Variants in CEP104 observed in about 807,000 individuals in gnomAD.
The protein encoded by CEP104 is centrosomal protein of 104 kDa.
A neutral mutation model predicts 113.3 loss-of-function variants in CEP104; 84 were observed. The observed-to-expected ratio is 0.74, with a 90% CI of 0.62 to 0.89. The LOEUF is 0.89. CEP104 is among the 40% of genes least tolerant of loss of function. The probability of loss-of-function intolerance (pLI) is 0.00; values close to 1 mark genes in which losing one functional copy is unlikely to be tolerated. For synonymous variants in CEP104, 378 were observed against 421.7 expected (o/e 0.90, Z 1.27); for missense variants, 1,053 against 1,156.6 (o/e 0.91, Z 1.30).
At chr1:3,827,371 T>C (rs555511683) in intron 15 of CEP104, among the ~76,000 whole-genome samples, 92 of 152,148 alleles carry the variant, frequency 6.0e-4, no homozygotes, top group African/African-American at 2.0e-3. Flanking sequence ...CTCACCACCA[T>C]GTCTGGCTAA....
rs61745578 is a variant in CEP104 at position 3,844,921 on chromosome 1, T to A, written c.552A>T (p.Glu184Asp). Residue 184 changes from glutamate (E) to aspartate (D), a missense_variant, in exon 6 of 22, where the codon GAA (glutamate) becomes GAT (aspartate). Coordinates refer to ENST00000378230, the MANE Select transcript of CEP104 (RefSeq NM_014704.4). ...LGHNSEDPAL[E>D]GTYARKSDYI... is the part of the protein sequence containing the mutation. ...AGGACTCTTACCTGGCGTACGTTCC[T>A]TCTAGAGCAGGGTCCTCGCTGTTGT... 1.1e-3 allele frequency: 1,792 copies of A among 1,614,026 alleles called. 16 individuals carry two copies. In the African/African-American group the frequency reaches 0.021, roughly 19 times the overall value.
rs554636362 is a variant in CEP104 at position 3,825,887 on chromosome 1, G to A, written c.2256-21C>T. The A allele has an allele frequency of 3.5e-5, 54 of 1,541,410 alleles. No individual in the cohort carries two copies. In the South Asian group the frequency reaches 5.8e-4, roughly 17 times the overall value. ...ACAAACTGAAAGCAAAGCAAAGCAG[G>A]AAATAAAGGTAAGGATCTAGTTCCA... On this transcript the variant is annotated intron_variant, in intron 17 of 21. Coordinates refer to ENST00000378230, the MANE Select transcript of CEP104 (RefSeq NM_014704.4).
chr1:3,854,827 G>A (rs994900659), intron 1 of CEP104, among the ~76,000 whole-genome samples: 1 of 148,260 alleles, frequency 6.7e-6, no homozygotes, highest in Non-Finnish European at 1.5e-5. Context: ...ATTCCACCTT[G>A]AAAATACCTC....
At position 3,816,407 on chromosome 1, in the gene CEP104, G is replaced by A; in HGVS notation, c.2572-37C>T. On this transcript the variant is annotated intron_variant, in intron 20 of 21. Coordinates refer to ENST00000378230, the MANE Select transcript of CEP104 (RefSeq NM_014704.4). ...GAGGCACACAGAGTGTTAATCAGGCGAGACGGACCTGGCACGCTACCTGAG... is the reference window on the plus strand; with the variant it reads ...GAGGCACACAGAGTGTTAATCAGGCAAGACGGACCTGGCACGCTACCTGAG... 11 of 1,497,036 alleles carry A rather than the reference G, an allele frequency of 7.3e-6. No homozygotes were observed. The South Asian group carries it at 8.6e-5, about 12-fold the overall frequency. The allele number at this position is 1,497,036 out of a possible 1,614,324, so 92.7% of individuals were successfully genotyped here. A position where few individuals can be genotyped will look rare whatever the true frequency, so the allele number is the denominator to read the frequency against.
chr1:3,824,410 A>G (rs2124644274), intron 18 of CEP104, among the ~76,000 whole-genome samples: 1 of 152,312 alleles, frequency 6.6e-6, no homozygotes, highest in African/African-American at 2.4e-5. Flanking sequence ...GTAATGCAAG[A>G]AAGGCCTAAT....
In CEP104 at chr1:3,823,119, G is replaced by A; in HGVS notation, c.2571+55C>T. 6.6e-7 allele frequency: 1 copy of A among 1,524,336 alleles called. No homozygotes were observed. 94.4% of individuals were successfully genotyped at this position (1,524,336 alleles called of 1,614,324 possible). Reference sequence around the variant, plus strand: ...TGACACCACCACTGTCACCACCACTGCCATCCACAGGTGTGTCACCTACTT... The same window carrying A: ...TGACACCACCACTGTCACCACCACTACCATCCACAGGTGTGTCACCTACTT... On this transcript the variant is annotated intron_variant, in intron 20 of 21. Coordinates refer to ENST00000378230, the MANE Select transcript of CEP104 (RefSeq NM_014704.4). The surrounding 1 kb of genome is among the most constrained non-coding windows in gnomAD (Gnocchi z 4.1).
At chr1:3,847,792 G>A (rs2124691488) in intron 3 of CEP104, 179 bp from the exon 4 acceptor site, 1 of 610,548 alleles carries the variant, frequency 1.6e-6, no homozygotes, top group East Asian at 3.0e-5. Flanking sequence ...AAAAACCTAG[G>A]AAAAACCCCT....
At chr1:3,835,202 G>A (rs1644287889) in intron 10 of CEP104, 110 bp from the exon 11 acceptor site, 7 of 725,620 alleles carry the variant, frequency 9.6e-6, no homozygotes, top group Non-Finnish European at 1.4e-5. Flanking sequence ...TCTAAGAACA[G>A]AACTTTTATA....
At chr1:3,840,004 C>A (rs530230016) in intron 6 of CEP104, among the ~76,000 whole-genome samples, 3 of 152,186 alleles carry the variant, frequency 2.0e-5, no homozygotes, top group Non-Finnish European at 2.9e-5. Context: ...GACCATGGAC[C>A]AAACTGCACT....
intron 11 of CEP104, among the ~76,000 whole-genome samples, 185 bp downstream of exon 11, chr1:3,834,740 T>G (rs888676078): frequency 2.6e-5 from 4 of 152,220 alleles, no homozygotes; most frequent in African/African-American, 9.6e-5. Context: ...AGACCCTTCA[T>G]GTAAGATCAG....
In CEP104 at chr1:3,836,707, GGA is replaced by G. The variant is rs746658115; in HGVS notation, c.1120-17_1120-16del. The G allele has an allele frequency of 3.7e-6, 6 of 1,612,324 alleles. No homozygotes were observed. Among genetic ancestry groups the G allele is most frequent in the Non-Finnish European group, 1.7e-6 (2 of 1,179,760 alleles). Reference sequence around the variant, plus strand: ...AGGGACTCTGCCTGCAGTGAGTGAAGGAGAGAGGAAAGTGCTGGGGAGCTCCA... The same window carrying G: ...AGGGACTCTGCCTGCAGTGAGTGAAGGAGAGGAAAGTGCTGGGGAGCTCCA... On this transcript the variant is annotated splice_polypyrimidine_tract_variant and intron_variant, in intron 9 of 21. Coordinates refer to ENST00000378230, the MANE Select transcript of CEP104 (RefSeq NM_014704.4).
chr1:3,824,112 G>A (rs2124643656), intron 18 of CEP104, among the ~76,000 whole-genome samples: 1 of 152,296 alleles, frequency 6.6e-6, no homozygotes, highest in Non-Finnish European at 1.5e-5. Context: ...TTGAGATGGA[G>A]TTTCGCTCCT....
At chr1:3,833,097 C>A (rs923600581) in intron 12 of CEP104, among the ~76,000 whole-genome samples, 29 of 151,608 alleles carry the variant, frequency 1.9e-4, no homozygotes, top group African/African-American at 7.0e-4. Context: ...TCTCCTGCCT[C>A]AGCCTCCCAA....
chr1:3,856,215 C>G (rs1344233893), intron 1 of CEP104, among the ~76,000 whole-genome samples: 2 of 152,172 alleles, frequency 1.3e-5, no homozygotes, highest in South Asian at 2.1e-4. Flanking sequence ...TCGAGACCAG[C>G]CTGGCCAACA....
At chr1:3,826,318 G>A (rs1644089906) in intron 17 of CEP104, 52 bp downstream of exon 17, 1 of 1,507,968 alleles carries the variant, frequency 6.6e-7, no homozygotes, top group African/African-American at 1.4e-5. Context: ...GGGTTTCTGT[G>A]TGGCTGGTTG....
At position 3,833,603 on chromosome 1, in the gene CEP104, G is replaced by A. The variant is rs2368533; in HGVS notation, c.1659+259C>T. 312,826 of 346,822 alleles carry A rather than the reference G, an allele frequency of 0.9. 143,257 individuals carry two copies. Among genetic ancestry groups the A allele is most frequent in the Non-Finnish European group, 0.95 (183,467 of 192,980 alleles). 21.5% of individuals were successfully genotyped at this position (346,822 alleles called of 1,614,324 possible). A position where few individuals can be genotyped will look rare whatever the true frequency, so the allele number is the denominator to read the frequency against. Reference sequence around the variant, plus strand: ...TTTCTCTTTTGATATCATTTTCTGTGTGTTTTTATTTATTTAAAAAATTAA... The same window carrying A: ...TTTCTCTTTTGATATCATTTTCTGTATGTTTTTATTTATTTAAAAAATTAA... On this transcript the variant is annotated intron_variant, in intron 12 of 21. Coordinates refer to ENST00000378230, the MANE Select transcript of CEP104 (RefSeq NM_014704.4).
chr1:3,817,415 A>T (rs972349825), intron 20 of CEP104, among the ~76,000 whole-genome samples: 13 of 152,146 alleles, frequency 8.5e-5, no homozygotes, highest in Non-Finnish European at 1.6e-4. Context: ...TATCTCCACC[A>T]GACACAGCCC....
rs57165532 is a variant in CEP104 at position 3,844,709 on chromosome 1, G to GA, written c.566+197dup. On this transcript the variant is annotated intron_variant, in intron 6 of 21. Coordinates refer to ENST00000378230, the MANE Select transcript of CEP104 (RefSeq NM_014704.4). ...GTGAAATTCTGTCTCAAAAAAAAAG[G>GA]AAAAAAATAAATGCAGGTGTGCTAA... is the stretch of plus-strand genomic sequence containing the variant. Among the ~76,000 whole-genome samples the GA allele has an allele frequency of 0.51, 47,069 of 92,374 alleles. 9,710 individuals carry two copies. Among genetic ancestry groups the GA allele is most frequent in the Middle Eastern group, 0.6 (106 of 176 alleles). The allele number at this position is 92,374 out of a possible 152,430, so 60.6% of individuals were successfully genotyped here.
At chr1:3,840,419 G>A (rs1005854596) in intron 6 of CEP104, among the ~76,000 whole-genome samples, 2 of 152,108 alleles carry the variant, frequency 1.3e-5, no homozygotes, top group African/African-American at 4.8e-5. Flanking sequence ...GTATTTTTTA[G>A]TATAGACGGG....
Sources: gnomAD v4.1 joint callset for allele counts (sites outside exome capture counted in the v4.1 genomes callset) on GRCh38, gnomAD v4.1.1 for gene constraint, Gnocchi (gnomAD v3.1) non-coding constraint, MANE v1.5 for transcripts, NCBI Gene and HGNC (gene_info 2026-07-23, HGNC 2026-07-21) for gene names.